Variants in NOTCH1 observed in about 807,000 individuals in gnomAD.
NOTCH1 encodes the protein neurogenic locus notch homolog protein 1.
In NOTCH1, 37 loss-of-function variants were observed where a neutral mutation model predicts 254.8. The observed-to-expected ratio is 0.15, with a 90% confidence interval of 0.11 to 0.19. The LOEUF (loss-of-function observed/expected upper bound fraction) is 0.19, where lower values mean the gene tolerates loss of function less well. Ranked by LOEUF, NOTCH1 falls within the 10% of genes least tolerant of loss-of-function variation. The pLI, the probability that NOTCH1 is intolerant of heterozygous loss-of-function variation, is 1.00. For missense variants in NOTCH1, 2,972 were observed against 3,708.6 expected (o/e 0.80, Z 5.16); for synonymous variants, 1,731 against 1,618.1 (o/e 1.07, Z -1.68).
intron 2 of NOTCH1, among the ~76,000 whole-genome samples, chr9:136,527,386 G>A (rs1014290256): frequency 3.3e-5 from 5 of 152,220 alleles, no homozygotes; most frequent in South Asian, 2.1e-4. Flanking sequence ...ATGCTGTCCC[G>A]GCGGCCAGGT....
At chr9:136,518,452 G>T in intron 6 of NOTCH1, 139 bp downstream of exon 6, 4 of 1,122,866 alleles carry the variant, frequency 3.6e-6, no homozygotes, top group Non-Finnish European at 5.2e-6. Flanking sequence ...GACTCACAGC[G>T]ACCACCGGCC....
At chr9:136,500,484 G>C (rs1253696424) in intron 31 of NOTCH1, 68 bp downstream of exon 31, 1 of 1,583,810 alleles carries the variant, frequency 6.3e-7, no homozygotes, top group Non-Finnish European at 8.6e-7. Context: ...ACGTAAGCCT[G>C]GCCACTGCCC....
At chr9:136,520,256 G>A (rs1036670744) in intron 4 of NOTCH1, among the ~76,000 whole-genome samples, 3 of 152,116 alleles carry the variant, frequency 2.0e-5, no homozygotes, top group African/African-American at 7.2e-5. Flanking sequence ...ACTAATTGCC[G>A]CCCTCCCGAG....
At chr9:136,533,434 C>T (rs946848747) in intron 2 of NOTCH1, among the ~76,000 whole-genome samples, 2 of 152,242 alleles carry the variant, frequency 1.3e-5, no homozygotes, top group African/African-American at 4.8e-5. Flanking sequence ...TGAAACCGAG[C>T]GGAACTTGGG....
chr9:136,505,248 C>G (rs1843062216), intron 25 of NOTCH1, 62 bp downstream of exon 25: 4 of 1,537,504 alleles, frequency 2.6e-6, no homozygotes, highest in Non-Finnish European at 3.5e-6. Context: ...GGCCTCCGGG[C>G]CCAAGCCAGG....
At chr9:136,528,749 G>T (rs943393912) in intron 2 of NOTCH1, among the ~76,000 whole-genome samples, 1 of 152,014 alleles carries the variant, frequency 6.6e-6, no homozygotes, top group African/African-American at 2.4e-5. Context: ...CCCTCCTTGG[G>T]CCTCACTGCC....
At chr9:136,511,822 G>C (rs911108410) in intron 15 of NOTCH1, among the ~76,000 whole-genome samples, 1 of 152,242 alleles carries the variant, frequency 6.6e-6, no homozygotes, top group African/African-American at 2.4e-5. Flanking sequence ...TGCGTGTCGG[G>C]GCACGGGGCA....
rs1842907079 is a variant in NOTCH1, at chr9:136,495,946, G to C, written c.*125C>G. The C allele has an allele frequency of 2.9e-6, 3 of 1,039,460 alleles. No individual in the cohort carries two copies. The highest frequency in any genetic ancestry group is 2.6e-5 in the East Asian group (1 of 37,888). 64.4% of individuals were successfully genotyped at this position (1,039,460 alleles called of 1,614,324 possible). On this transcript the variant is annotated 3_prime_UTR_variant, in exon 34 of 34. Coordinates refer to ENST00000651671, the MANE Select transcript of NOTCH1 (RefSeq NM_017617.5). ...AATACTAAAAAAAATTAAAATCCTC[G>C]TTCTTATTTTGTATAAAAACATGTG...
At chr9:136,519,734 G>A (rs1401561861) in intron 4 of NOTCH1, 169 bp from the exon 5 acceptor site, 7 of 867,924 alleles carry the variant, frequency 8.1e-6, no homozygotes, top group African/African-American at 3.3e-5. Flanking sequence ...AGAGGGACAC[G>A]CCCTGCTTGA....
chr9:136,519,649 C>A, intron 4 of NOTCH1, 84 bp from the exon 5 acceptor site: 2 of 1,604,838 alleles, frequency 1.2e-6, no homozygotes, highest in Non-Finnish European at 1.7e-6. Flanking sequence ...GCTCTGGACA[C>A]AAGAGCCTGG....
Position 136,496,798 on chromosome 9 carries a change from A to G in NOTCH1, c.6941T>C (p.Leu2314Pro), listed in dbSNP as rs200929799. ...LNGQCEWLSR[L>P]QSGMVPNQYN... ...TTGGTTCGGCACCATGCCGCTCTGC[A>G]GCCGGGACAGCCACTCGCATTGACC... The change falls in exon 34 of 34, where the codon CTG becomes CCG. Residue 2314 changes from leucine (L) to proline (P), a missense_variant. Physicochemically the swap from Leu to Pro is moderately conservative, Grantham distance 98 (BLOSUM62 -3). Transcript: ENST00000651671. The G allele has an allele frequency of 6.8e-5, 109 of 1,612,906 alleles. No homozygotes were observed. The highest frequency in any genetic ancestry group is 2.5e-5 in the Non-Finnish European group (29 of 1,180,000).
At chr9:136,525,770 G>A (rs1022232204) in intron 2 of NOTCH1, among the ~76,000 whole-genome samples, 12 of 152,266 alleles carry the variant, frequency 7.9e-5, no homozygotes, top group African/African-American at 2.7e-4. Context: ...GGGGCTTGTG[G>A]AGGCTGGGGG....
Position 136,522,984 on chromosome 9 carries a change from C to A in NOTCH1, c.608G>T (p.Arg203Leu), listed in dbSNP as rs182763411. Residue 203 changes from arginine to leucine, a missense_variant, in exon 4 of 34, where the codon CGC becomes CTC. Coordinates refer to ENST00000651671, the MANE Select transcript of NOTCH1 (RefSeq NM_017617.5). ...GTCHNEVGSY[R>L]CVCRATHTGP... ...AGTGTGGGTGGCGCGGCAGACGCAG[C>A]GGTAGGAGCCGACCTCGTTGTGGCA... 4 of 1,558,598 alleles carry A rather than the reference C, an allele frequency of 2.6e-6. No homozygotes were observed. In the South Asian group the frequency reaches 3.5e-5, roughly 14 times the overall value.
intron 19 of NOTCH1, 94 bp from the exon 20 acceptor site, chr9:136,508,479 A>G (rs1394384626): frequency 1.3e-6 from 2 of 1,557,294 alleles, no homozygotes; most frequent in African/African-American, 2.7e-5. Flanking sequence ...ACTCCAACCC[A>G]GGCTGCAACC....
At position 136,505,779 on chromosome 9, in the gene NOTCH1, G is replaced by A. The variant is rs2133340821; in HGVS notation, c.4117C>T (p.Leu1373=). The A allele has an allele frequency of 6.3e-7, 1 of 1,585,074 alleles. No homozygotes were observed. The highest frequency in any genetic ancestry group is 8.6e-7 in the Non-Finnish European group (1 of 1,165,562). ...CISGPRSPTC[L]CLGPFTGPEC... is the part of the protein sequence containing the mutation. ...GGGCCCGTGAAGGGGCCCAGGCACA[G>A]GCAGGTGGGGCTGCGCGGGCCGGAG... The change falls in exon 25 of 34, where the codon CTG becomes TTG. Residue 1373 remains leucine, a synonymous_variant. Coordinates refer to ENST00000651671, the MANE Select transcript of NOTCH1 (RefSeq NM_017617.5).
rs555773558 is a variant in NOTCH1 at position 136,500,762 on chromosome 9, G to A, written c.5724C>T (p.Ala1908=). Residue 1908 remains alanine, a synonymous_variant, in exon 31 of 34, where the codon GCC becomes GCT. Coordinates refer to ENST00000651671, the MANE Select transcript of NOTCH1 (RefSeq NM_017617.5). Reference sequence around the variant, plus strand: ...CCTGGTAGATGAAGTCGGAGATGACGGCCGGCGCGTCCTCCTCTTCCTCGC... The same window carrying A: ...CCTGGTAGATGAAGTCGGAGATGACAGCCGGCGCGTCCTCCTCTTCCTCGC... ...GNSEEEEDAP[A]VISDFIYQGA... 6.5e-5 allele frequency: 104 copies of A among 1,604,422 alleles called. No homozygotes were observed. The South Asian group carries it at 8.1e-4, about 13-fold the overall frequency.
rs1367308532 is a variant in NOTCH1 at position 136,506,273 on chromosome 9, C to G, written c.4014+254G>C. On this transcript the variant is annotated intron_variant, in intron 24 of 33. Transcript: ENST00000651671. This position sits in a 1 kb window ranked among gnomAD's most constrained non-coding sequence, Gnocchi z 4.5. ...ACTGAAATCCAGAGTGAAATTGATG[C>G]AAGCTGCTAACCAGGGGAACTGCGT... Among the ~76,000 whole-genome samples, 1 of 152,096 alleles carries G rather than the reference C, an allele frequency of 6.6e-6. No homozygotes were observed. Among genetic ancestry groups the G allele is most frequent in the Non-Finnish European group, 1.5e-5 (1 of 68,012 alleles).
chr9:136,542,816 G>T (rs960308934), intron 2 of NOTCH1: 1 of 152,138 alleles, frequency 6.6e-6, no homozygotes, highest in Non-Finnish European at 1.5e-5. Context: ...TGTAGCTCCT[G>T]GGGGGCGGAG....
At chr9:136,535,947 G>A (rs1382481725) in intron 2 of NOTCH1, among the ~76,000 whole-genome samples, 1 of 127,908 alleles carries the variant, frequency 7.8e-6, no homozygotes, top group Non-Finnish European at 1.7e-5. Context: ...GGTGGAGAGG[G>A]GAGCACTCAG....
Sources: gnomAD v4.1 joint callset for allele counts (sites outside exome capture counted in the v4.1 genomes callset) on GRCh38, gnomAD v4.1.1 for gene constraint, Gnocchi (gnomAD v3.1) non-coding constraint, MANE v1.5 for transcripts, NCBI Gene and HGNC (gene_info 2026-07-23, HGNC 2026-07-21) for gene names.